The following CIDEB variants were observed in gnomAD, a reference collection of about 807,000 sequenced individuals.
CIDEB encodes the protein cell death inducing DFFA like effector b.
In CIDEB, 27 loss-of-function variants were observed where a neutral mutation model predicts 22.4. The ratio of observed to expected loss-of-function variants is 1.21; its 90% CI spans 0.89 to 1.66. The LOEUF is 1.66. Ranked by LOEUF, CIDEB falls within the 40% of genes most tolerant of loss-of-function variation. The pLI, the probability that CIDEB is intolerant of heterozygous loss-of-function variation, is 0.00. For missense variants in CIDEB, 289 were observed against 268.7 expected, an observed-to-expected ratio of 1.08 and a Z score of -0.53; for synonymous variants, 103 against 109.5, an observed-to-expected ratio of 0.94 and a Z score of 0.37.
Position 24,305,462 on chromosome 14 carries a change from G to T in CIDEB, c.*171C>A. 1.3e-6 allele frequency: 1 copy of T among 761,566 alleles called. No homozygotes were observed. The highest frequency in any genetic ancestry group is 2.1e-6 in the Non-Finnish European group (1 of 482,986). 47.2% of individuals were successfully genotyped at this position (761,566 alleles called of 1,614,324 possible). On this transcript the variant is annotated 3_prime_UTR_variant, in exon 5 of 5. Coordinates refer to ENST00000554411, the MANE Select transcript of CIDEB (RefSeq NM_001393339.1). ...ATTCTTCAGGTAAGGGTATAGACTTGGGATGTGAGGCGTTATGCTGAAAGG... is the reference window on the plus strand; with the variant it reads ...ATTCTTCAGGTAAGGGTATAGACTTTGGATGTGAGGCGTTATGCTGAAAGG...
In CIDEB at chr14:24,307,908, T is replaced by G; in HGVS notation, c.-50A>C. On this transcript the variant is annotated 5_prime_UTR_variant, in exon 1 of 5. Coordinates refer to ENST00000554411, the MANE Select transcript of CIDEB (RefSeq NM_001393339.1). ...GGAACTTCTGGGCTGGGTGGTTCTC[T>G]CCTGTGCTGGGGCTTTAGTGGTGTT... 3 of 1,510,254 alleles carry G rather than the reference T, an allele frequency of 2.0e-6. No homozygotes were observed. Among genetic ancestry groups the G allele is most frequent in the Non-Finnish European group, 2.7e-6 (3 of 1,105,962 alleles). The allele number at this position is 1,510,254 out of a possible 1,614,324, so 93.6% of individuals were successfully genotyped here. A position where few individuals can be genotyped will look rare whatever the true frequency, so the allele number is the denominator to read the frequency against.
chr14:24,307,979 A>C, upstream of CIDEB: 1 of 940,088 alleles, frequency 1.1e-6, no homozygotes, highest in South Asian at 1.4e-5. Context: ...GGTGGGAATG[A>C]GTCAAGCCTG....
intron 4 of CIDEB, 27 bp downstream of exon 4, chr14:24,305,920 G>C (rs1168239147): frequency 6.2e-7 from 1 of 1,605,368 alleles, no homozygotes; most frequent in South Asian, 1.1e-5. Flanking sequence ...GTAGGGGATG[G>C]GGCAGTATGA....
rs562266546 is a variant in CIDEB at position 24,307,360 on chromosome 14, G to C, written c.186+11C>G. ...CCCTGCTATAGGAACCGAGGAACTT[G>C]GCCTACTTACTTTGGCTAGCAGCTC... On this transcript the variant is annotated intron_variant, in intron 2 of 4. Coordinates refer to ENST00000554411, the MANE Select transcript of CIDEB (RefSeq NM_001393339.1). 6.2e-7 allele frequency: 1 copy of C among 1,610,488 alleles called. No individual in the cohort carries two copies. The highest frequency in any genetic ancestry group is 2.2e-5 in the East Asian group (1 of 44,838).
rs747037914 is a variant in CIDEB, at chr14:24,305,291, T to G, written c.*342A>C. On this transcript the variant is annotated 3_prime_UTR_variant, in exon 5 of 5. Transcript: ENST00000554411. ...TAAAGTCAGAGAGGGCTGTCATCAGTATGCTGGGGAGTTTAGGGACAGGAG... is the reference window on the plus strand; with the variant it reads ...TAAAGTCAGAGAGGGCTGTCATCAGGATGCTGGGGAGTTTAGGGACAGGAG... 4 of 613,704 alleles carry G rather than the reference T, an allele frequency of 6.5e-6. No homozygotes were observed. Among genetic ancestry groups the G allele is most frequent in the Non-Finnish European group, 1.0e-5 (4 of 389,622 alleles). The allele number at this position is 613,704 out of a possible 1,614,324, so 38.0% of individuals were successfully genotyped here.
At chr14:24,311,190 G>T, upstream of CIDEB, 2 of 1,608,074 alleles carry the variant, frequency 1.2e-6, no homozygotes, top group Non-Finnish European at 1.7e-6. Flanking sequence ...CCCGTCGCCG[G>T]TCCACGCCGC....
chr14:24,310,254 T>G, upstream of CIDEB: 2 of 499,938 alleles, frequency 4.0e-6, no homozygotes, highest in South Asian at 2.5e-5. Context: ...GCTCCCAGCT[T>G]GGTAAGTAGA....
chr14:24,307,321 A>C, intron 2 of CIDEB, 50 bp downstream of exon 2: 1 of 1,567,636 alleles, frequency 6.4e-7, no homozygotes, highest in Non-Finnish European at 8.7e-7. Context: ...ACTGTTGTGG[A>C]GCCCCTTGGC....
intron 1 of CIDEB, 149 bp from the exon 2 acceptor site, chr14:24,307,664 G>A (rs75930280): frequency 5.0e-6 from 6 of 1,189,470 alleles, no homozygotes; most frequent in African/African-American, 3.0e-5. Context: ...GAGTGCAGGT[G>A]GGGGCGGGTG....
At chr14:24,308,282 C>G (rs2041584051), upstream of CIDEB, 1 of 239,428 alleles carries the variant, frequency 4.2e-6, no homozygotes. Flanking sequence ...CTGCCACCTA[C>G]TGGAGAAGCC....
At chr14:24,306,661 A>G in intron 2 of CIDEB, 138 bp from the exon 3 acceptor site, 1 of 1,025,094 alleles carries the variant, frequency 9.8e-7, no homozygotes, top group Non-Finnish European at 1.4e-6. Flanking sequence ...TACCTCCTAA[A>G]GGTTGCAGCT....
Position 24,307,825 on chromosome 14 carries a change from A to C in CIDEB, c.34T>G (p.Leu12Val), listed in dbSNP as rs761940963. 64 of 1,595,660 alleles carry C rather than the reference A, an allele frequency of 4.0e-5. No homozygotes were observed. Among genetic ancestry groups the C allele is most frequent in the Admixed American group, 2.3e-4 (13 of 57,098 alleles). ...CGGAGGGTTAGCAGTCACCTGAGTA[A>C]GTCACTGGGGTTCAGAGCTGAGAGG... ...EYLSALNPSD[L>V]LRSVSNISSE... Residue 12 changes from leucine to valine, a missense_variant, in exon 1 of 5, where the codon TTA becomes GTA. By Grantham distance (32) the Leu-to-Val change is conservative. Coordinates refer to ENST00000554411, the MANE Select transcript of CIDEB (RefSeq NM_001393339.1).
Position 24,305,221 on chromosome 14 carries a change from G to GT in CIDEB, c.*411dup. The GT allele has an allele frequency of 9.4e-7, 1 of 1,062,688 alleles. No individual in the cohort carries two copies. The highest frequency in any genetic ancestry group is 1.3e-6 in the Non-Finnish European group (1 of 789,704). 65.8% of individuals were successfully genotyped at this position (1,062,688 alleles called of 1,614,324 possible). A position where few individuals can be genotyped will look rare whatever the true frequency, so the allele number is the denominator to read the frequency against. ...AATATTTGATATTTTTATTGGAAATGTTTTTGTTAGTTTGAGGGGAAGGGT... is the reference window on the plus strand; with the variant it reads ...AATATTTGATATTTTTATTGGAAATGTTTTTTGTTAGTTTGAGGGGAAGGGT... On this transcript the variant is annotated 3_prime_UTR_variant, in exon 5 of 5. Transcript: ENST00000554411.
At position 24,305,690 on chromosome 14, in the gene CIDEB, A is replaced by G. The variant is rs1261065663; in HGVS notation, c.603T>C (p.Arg201=). 11 of 1,614,086 alleles carry G rather than the reference A, an allele frequency of 6.8e-6. No homozygotes were observed. Among genetic ancestry groups the G allele is most frequent in the Non-Finnish European group, 9.3e-6 (11 of 1,180,032 alleles). ...HMLLGISSTL[R]HAVEGAEQWQ... is the part of the protein sequence containing the mutation. ...ACTGCTCAGCCCCCTCCACTGCATG[A>G]CGAAGGGTGGAGGAAATTCCCAGCA... is the stretch of plus-strand genomic sequence containing the variant. Residue 201 remains arginine, a synonymous_variant, in exon 5 of 5, where the codon CGT becomes CGC. Coordinates refer to ENST00000554411, the MANE Select transcript of CIDEB (RefSeq NM_001393339.1).
At position 24,307,485 on chromosome 14, in the gene CIDEB, T is replaced by A. The variant is rs1416259890; in HGVS notation, c.72A>T (p.Gly24=). 1.9e-6 allele frequency: 3 copies of A among 1,613,832 alleles called. No individual in the cohort carries two copies. The African/African-American group carries it at 4.0e-5, about 22-fold the overall frequency. Residue 24 remains glycine (G), a synonymous_variant, in exon 2 of 5, where the codon GGA becomes GGT. Coordinates refer to ENST00000554411, the MANE Select transcript of CIDEB (RefSeq NM_001393339.1). The stretch of plus-strand genomic sequence containing the variant: ...GTGGAGCTGAGGTCCAGACCCTCCG[T>A]CCAAACTCCGAGCTTATATTAGATA... ...RSVSNISSEF[G]RRVWTSAPPP...
chr14:24,311,226 A>G (rs1463507129), upstream of CIDEB: 6 of 1,608,946 alleles, frequency 3.7e-6, no homozygotes, highest in Non-Finnish European at 5.1e-6. Context: ...GGAGACTCTG[A>G]CCGCTTTCGT....
At chr14:24,306,767 C>T (rs2041523112) in intron 2 of CIDEB, 6 of 534,096 alleles carry the variant, frequency 1.1e-5, no homozygotes. Context: ...TTGCTCCCCT[C>T]CAAGTCACTT....
chr14:24,309,127 C>CCCTG (rs1270145871), upstream of CIDEB: 1 of 152,276 alleles, frequency 6.6e-6, no homozygotes, highest in Non-Finnish European at 1.5e-5. Flanking sequence ...GGACTGATCA[C>CCCTG]CCTGCCAGTC....
At chr14:24,311,208 C>T (rs910086183), upstream of CIDEB, 13 of 1,609,018 alleles carry the variant, frequency 8.1e-6, no homozygotes, top group African/African-American at 1.2e-4. Flanking sequence ...CGCCGCCCAC[C>T]TGAGCCTGGA....
Sources: gnomAD v4.1 joint callset for allele counts on GRCh38, gnomAD v4.1.1 for gene constraint, MANE v1.5 for transcripts, NCBI Gene and HGNC (gene_info 2026-07-23, HGNC 2026-07-21) for gene names.